DPYSL2: variants seen among roughly 807,000 people sequenced by gnomAD.
DPYSL2 encodes the protein dihydropyrimidinase like 2.
A neutral mutation model predicts 69.9 loss-of-function variants in DPYSL2; 13 were observed. The ratio of observed to expected loss-of-function variants is 0.19; its 90% CI spans 0.12 to 0.30. The LOEUF (loss-of-function observed/expected upper bound fraction) is 0.30. DPYSL2 is among the 10% of genes least tolerant of loss of function. The pLI is 1.00. For missense variants in DPYSL2, 587 were observed against 918.9 expected, an observed-to-expected ratio of 0.64 and a Z score of 4.67; for synonymous variants, 326 against 359.1, an observed-to-expected ratio of 0.91 and a Z score of 1.04.
At chr8:26,552,776 A>G (rs1212059978) in intron 1 of DPYSL2, among the ~76,000 whole-genome samples, 1 of 152,300 alleles carries the variant, frequency 6.6e-6, no homozygotes, top group East Asian at 1.9e-4. Context: ...GAATGAATTA[A>G]TCCATTCATG....
In DPYSL2 at chr8:26,533,643, G is replaced by A. The variant is rs1425494574; in HGVS notation, c.354+18964G>A. Reference sequence around the variant, plus strand: ...GCAAAAGCATTTTAGGAGATGGCAAGAAACTAGAGACAAAACATTGCCACA... The same window carrying A: ...GCAAAAGCATTTTAGGAGATGGCAAAAAACTAGAGACAAAACATTGCCACA... On this transcript the variant is annotated intron_variant, in intron 1 of 13. Coordinates refer to ENST00000521913, the MANE Select transcript of DPYSL2 (RefSeq NM_001197293.3). This position sits in a 1 kb window ranked among gnomAD's most constrained non-coding sequence, Gnocchi z 4.8. Among the ~76,000 whole-genome samples the A allele has an allele frequency of 2.6e-5, 4 of 152,334 alleles. No homozygotes were observed. Among genetic ancestry groups the A allele is most frequent in the Admixed American group, 2.6e-4 (4 of 15,302 alleles).
At chr8:26,568,471 G>T (rs58770780) in intron 1 of DPYSL2, among the ~76,000 whole-genome samples, 24 of 152,158 alleles carry the variant, frequency 1.6e-4, no homozygotes, top group Admixed American at 1.2e-3. Context: ...CAAACAGGGT[G>T]GGGGAGTAAG....
rs548715902 is a variant in DPYSL2, at chr8:26,594,344, CTCTA to C, written c.628+10371_628+10374del. 7.7e-3 allele frequency among the ~76,000 whole-genome samples: 1,171 copies of C among 152,220 alleles called. 11 individuals are homozygous for C. The highest frequency in any genetic ancestry group is 0.024 in the African/African-American group (997 of 41,524). Reference sequence around the variant, plus strand: ...CCATCTTTATCTTTTTATCATCTATCTCTATCTATCTATTAATATATATTTATCT... The same window carrying C: ...CCATCTTTATCTTTTTATCATCTATCTCTATCTATTAATATATATTTATCT... On this transcript the variant is annotated intron_variant, in intron 3 of 13. Transcript: ENST00000521913.
chr8:26,578,089 G>A, intron 1 of DPYSL2: 3 of 1,499,220 alleles, frequency 2.0e-6, no homozygotes, highest in Non-Finnish European at 1.8e-6. Context: ...GCATTCATCC[G>A]TTACGTTCTT....
intron 7 of DPYSL2, among the ~76,000 whole-genome samples, chr8:26,630,201 C>G (rs780439829): frequency 6.6e-6 from 1 of 152,264 alleles, no homozygotes; most frequent in Non-Finnish European, 1.5e-5. Flanking sequence ...TATGCAGGCA[C>G]CATCCCCCTT....
rs1421293860 is a variant in DPYSL2 at position 26,627,426 on chromosome 8, G to A, written c.936+131G>A. 1 of 920,754 alleles carries A rather than the reference G, an allele frequency of 1.1e-6. No homozygotes were observed. The highest frequency in any genetic ancestry group is 1.6e-5 in the African/African-American group (1 of 61,042). The allele number at this position is 920,754 out of a possible 1,614,324, so 57.0% of individuals were successfully genotyped here. ...AGGGACCTGGTGTTCCCTTGCTGGA[G>A]CTCTGCTCAGTCTCACCCATGGCAT... On this transcript the variant is annotated intron_variant, in intron 6 of 13. Coordinates refer to ENST00000521913, the MANE Select transcript of DPYSL2 (RefSeq NM_001197293.3). The surrounding 1 kb of genome is among the most constrained non-coding windows in gnomAD (Gnocchi z 6.9).
chr8:26,558,912 C>T (rs1383926216), intron 1 of DPYSL2, among the ~76,000 whole-genome samples: 1 of 152,128 alleles, frequency 6.6e-6, no homozygotes, highest in Non-Finnish European at 1.5e-5. Context: ...AAACAATTCT[C>T]CATTGTTTTT....
rs925761055 is a variant in DPYSL2 at position 26,650,275 on chromosome 8, G to T, written c.1597-1982G>T. Among the ~76,000 whole-genome samples the T allele has an allele frequency of 6.6e-6, 1 of 152,204 alleles. No individual in the cohort carries two copies. The highest frequency in any genetic ancestry group is 2.4e-5 in the African/African-American group (1 of 41,448). On this transcript the variant is annotated intron_variant, in intron 11 of 13. Transcript: ENST00000521913. The surrounding 1 kb of genome is among the most constrained non-coding windows in gnomAD (Gnocchi z 5.3). Reference sequence around the variant, plus strand: ...ATAGCTGGTGAATGGCATACCTGGGGTGTGAACCCAGGGCAGATGTCTCCA... The same window carrying T: ...ATAGCTGGTGAATGGCATACCTGGGTTGTGAACCCAGGGCAGATGTCTCCA...
In DPYSL2 at chr8:26,580,706, C is replaced by G. The variant is rs185293571; in HGVS notation, c.355-1263C>G. 8.7e-4 allele frequency among the ~76,000 whole-genome samples: 133 copies of G among 152,238 alleles called. No individual in the cohort carries two copies. Among genetic ancestry groups the G allele is most frequent in the Non-Finnish European group, 1.2e-3 (85 of 68,016 alleles). ...AGCTGCTAAAGAGAGGTAGCACTTG[C>G]TGAGAATATTGTTTTGTAACTGAAT... On this transcript the variant is annotated intron_variant, in intron 1 of 13. Transcript: ENST00000521913. This position sits in a 1 kb window ranked among gnomAD's most constrained non-coding sequence, Gnocchi z 4.1.
intron 3 of DPYSL2, among the ~76,000 whole-genome samples, chr8:26,608,999 A>G (rs1194302083): frequency 6.6e-6 from 1 of 152,196 alleles, no homozygotes; most frequent in African/African-American, 2.4e-5. Context: ...TTTCAATCCA[A>G]CAGCGGATCT....
chr8:26,632,713 G>A (rs1038225562), intron 7 of DPYSL2, among the ~76,000 whole-genome samples: 1 of 152,204 alleles, frequency 6.6e-6, no homozygotes, highest in African/African-American at 2.4e-5. Flanking sequence ...TCTGGGAGGT[G>A]CTGAGGGTTC....
intron 1 of DPYSL2, among the ~76,000 whole-genome samples, chr8:26,563,281 C>G (rs1373836480): frequency 6.6e-6 from 1 of 152,216 alleles, no homozygotes; most frequent in Non-Finnish European, 1.5e-5. Context: ...ATCCTAATCT[C>G]AGTCTTCCCA....
chr8:26,588,383 T>C lies in DPYSL2; in HGVS notation c.628+4400T>C, dbSNP rs903739326. 3.3e-5 allele frequency among the ~76,000 whole-genome samples: 5 copies of C among 152,214 alleles called. No individual in the cohort carries two copies. The highest frequency in any genetic ancestry group is 1.2e-4 in the African/African-American group (5 of 41,542). On this transcript the variant is annotated intron_variant, in intron 3 of 13. Transcript: ENST00000521913. This position sits in a 1 kb window ranked among gnomAD's most constrained non-coding sequence, Gnocchi z 5.4. Reference sequence around the variant, plus strand: ...TAAAGTAGCAAATCTGCTGGTGGGGTCTGTGACTCTGTATTCGAATCTGGT... The same window carrying C: ...TAAAGTAGCAAATCTGCTGGTGGGGCCTGTGACTCTGTATTCGAATCTGGT...
At chr8:26,515,907 T>C (rs1808279513) in intron 1 of DPYSL2, among the ~76,000 whole-genome samples, 1 of 152,188 alleles carries the variant, frequency 6.6e-6, no homozygotes, top group Non-Finnish European at 1.5e-5. Flanking sequence ...TTGGGAGTGG[T>C]CTATACATAT....
intron 1 of DPYSL2, among the ~76,000 whole-genome samples, chr8:26,534,341 T>C (rs2117615165): frequency 6.6e-6 from 1 of 152,142 alleles, no homozygotes; most frequent in South Asian, 2.1e-4. Flanking sequence ...CCACCACACT[T>C]GGCTACATTT....
intron 1 of DPYSL2, among the ~76,000 whole-genome samples, chr8:26,535,900 G>T (rs1800585054): frequency 1.7e-5 from 1 of 60,024 alleles, no homozygotes; most frequent in Admixed American, 1.8e-4. Context: ...TCTATGGGTT[G>T]TGTGTGTGTG....
chr8:26,519,375 C>T (rs1378017227), intron 1 of DPYSL2, among the ~76,000 whole-genome samples: 1 of 152,122 alleles, frequency 6.6e-6, no homozygotes, highest in Admixed American at 6.5e-5. Context: ...TCCTTGGAGC[C>T]CAGGTGATAG....
intron 1 of DPYSL2, among the ~76,000 whole-genome samples, chr8:26,567,684 A>AG (rs1394768122): frequency 2.6e-5 from 4 of 152,196 alleles, no homozygotes; most frequent in Admixed American, 2.0e-4. Flanking sequence ...TGATGGTGTG[A>AG]GGGGTCCAAG....
In DPYSL2 at chr8:26,587,147, T is replaced by A. The variant is rs967073745; in HGVS notation, c.628+3164T>A. ...CTTTAAGTGAGTGAGTGGCTGGGATTTGCTTTACAGAGAAGGAGGCCTTGC... is the reference window on the plus strand; with the variant it reads ...CTTTAAGTGAGTGAGTGGCTGGGATATGCTTTACAGAGAAGGAGGCCTTGC... On this transcript the variant is annotated intron_variant, in intron 3 of 13. Transcript: ENST00000521913. The surrounding 1 kb of genome is among the most constrained non-coding windows in gnomAD (Gnocchi z 4.2). Among the ~76,000 whole-genome samples the A allele has an allele frequency of 6.6e-6, 1 of 152,192 alleles. No individual in the cohort carries two copies. The highest frequency in any genetic ancestry group is 2.4e-5 in the African/African-American group (1 of 41,434).
Sources: gnomAD v4.1 joint callset for allele counts (sites outside exome capture counted in the v4.1 genomes callset) on GRCh38, gnomAD v4.1.1 for gene constraint, Gnocchi (gnomAD v3.1) non-coding constraint, MANE v1.5 for transcripts, NCBI Gene and HGNC (gene_info 2026-07-23, HGNC 2026-07-21) for gene names.